The following MED13L variants were observed in gnomAD, a reference collection of about 807,000 sequenced individuals.
The protein encoded by MED13L is mediator complex subunit 13L.
MED13L carries 7 observed loss-of-function variants against 220.9 expected under a neutral mutation model. The observed-to-expected ratio is 0.03, with a 90% CI of 0.02 to 0.06. The LOEUF is 0.06. Ranked by LOEUF, MED13L falls within the 10% of genes least tolerant of loss-of-function variation. The pLI is 1.00. For missense variants in MED13L, 1,965 were observed against 2,760.5 expected (o/e 0.71, Z 6.46); for synonymous variants, 1,011 against 1,015.2 (o/e 1.00, Z 0.08).
intron 12 of MED13L, 137 bp from the exon 13 acceptor site, chr12:116,006,130 T>C: frequency 3.7e-6 from 5 of 1,361,882 alleles, no homozygotes; most frequent in Non-Finnish European, 4.1e-6. Flanking sequence ...TAGAGACAAT[T>C]ATTTCCAAAT....
rs559530947 is a variant in MED13L at position 116,232,221 on chromosome 12, C to T, written c.310+5247G>A. 28 of 726,038 alleles carry T rather than the reference C, an allele frequency of 3.9e-5. 6 individuals are homozygous for T. Among genetic ancestry groups the T allele is most frequent in the African/African-American group, 3.6e-4 (19 of 52,298 alleles). The allele number at this position is 726,038 out of a possible 1,614,324, so 45.0% of individuals were successfully genotyped here. A position where few individuals can be genotyped will look rare whatever the true frequency, so the allele number is the denominator to read the frequency against. ...ACAACAAAGGGTAATAACTGCCAATCTACCCCTGCACTGACAATAAAACCA... is the reference window on the plus strand; with the variant it reads ...ACAACAAAGGGTAATAACTGCCAATTTACCCCTGCACTGACAATAAAACCA... On this transcript the variant is annotated intron_variant, in intron 2 of 30. Coordinates refer to ENST00000281928, the MANE Select transcript of MED13L (RefSeq NM_015335.5).
At chr12:116,097,605 T>G (rs1872725261) in intron 3 of MED13L, among the ~76,000 whole-genome samples, 1 of 152,252 alleles carries the variant, frequency 6.6e-6, no homozygotes, top group African/African-American at 2.4e-5. Flanking sequence ...AATAAAGGAC[T>G]TGATTATGGC....
chr12:116,068,474 A>G (rs1317486597), intron 4 of MED13L, among the ~76,000 whole-genome samples: 1 of 152,188 alleles, frequency 6.6e-6, no homozygotes, highest in African/African-American at 2.4e-5. Flanking sequence ...GGATTTCCAA[A>G]ATGATCAACT....
At chr12:116,160,532 G>A (rs1038509850) in intron 2 of MED13L, among the ~76,000 whole-genome samples, 1 of 151,654 alleles carries the variant, frequency 6.6e-6, no homozygotes, top group African/African-American at 2.4e-5. Context: ...CAGCTCCTTT[G>A]GGCCTTGGCT....
At chr12:116,061,346 A>G (rs543033742) in intron 4 of MED13L, among the ~76,000 whole-genome samples, 1 of 152,258 alleles carries the variant, frequency 6.6e-6, no homozygotes, top group African/African-American at 2.4e-5. Context: ...TTTTTAAGGT[A>G]TACAATAAAT....
intron 4 of MED13L, among the ~76,000 whole-genome samples, chr12:116,038,431 G>A (rs1170608565): frequency 1.3e-5 from 2 of 152,046 alleles, no homozygotes; most frequent in South Asian, 2.1e-4. Context: ...CTGAAATGGT[G>A]TACCTTCCCA....
chr12:116,174,458 T>C (rs1021446032), intron 2 of MED13L: 5 of 151,106 alleles, frequency 3.3e-5, no homozygotes, highest in Non-Finnish European at 7.4e-5. Context: ...AAGAATTAGA[T>C]ACAATATTTA....
chr12:116,120,475 T>A (rs76253017), intron 2 of MED13L, among the ~76,000 whole-genome samples: 12,828 of 88,406 alleles, frequency 0.15, 508 homozygotes, highest in East Asian at 0.34. Flanking sequence ...TCTCTCTCTC[T>A]CTCACACACA....
Position 115,991,109 on chromosome 12 carries a change from C to T in MED13L, c.3845G>A (p.Gly1282Glu). The change falls in exon 17 of 31, where the codon GGG becomes GAG. Residue 1282 changes from glycine to glutamate, a missense_variant. Around this residue, in one of 10 missense-constraint regions of MED13L, gnomAD observed 165 missense variants for 190.8 expected, o/e 0.86. Coordinates refer to ENST00000281928, the MANE Select transcript of MED13L (RefSeq NM_015335.5). The surrounding 1 kb of genome is among the most constrained non-coding windows in gnomAD (Gnocchi z 7.7). The stretch of plus-strand genomic sequence containing the variant: ...AGTGGGGTTATCCACATACTGCCGC[C>T]CCTGCTCCAACGCATTAAAGCATTC... ...WTECFNALEQ[G>E]RQYVDNPTGG... is the part of the protein sequence containing the mutation. The T allele has an allele frequency of 6.2e-7, 1 of 1,614,194 alleles. No homozygotes were observed. Among genetic ancestry groups the T allele is most frequent in the Non-Finnish European group, 8.5e-7 (1 of 1,180,036 alleles).
At chr12:116,022,822 CT>C (rs531559525) in intron 4 of MED13L, among the ~76,000 whole-genome samples, 476 of 152,282 alleles carry the variant, frequency 3.1e-3, no homozygotes, top group Non-Finnish European at 5.9e-3. Flanking sequence ...TTGTAAGTTA[CT>C]GTACAAAATG....
At chr12:116,265,228 G>C (rs1057373320) in intron 1 of MED13L, among the ~76,000 whole-genome samples, 2 of 152,160 alleles carry the variant, frequency 1.3e-5, no homozygotes, top group African/African-American at 4.8e-5. Context: ...CTTTAAGTCA[G>C]AGAAAGCAAA....
intron 2 of MED13L, among the ~76,000 whole-genome samples, chr12:116,212,334 A>G (rs1278696460): frequency 2.0e-5 from 3 of 152,318 alleles, no homozygotes; most frequent in Admixed American, 6.5e-5. Flanking sequence ...TAATTAAGTT[A>G]ATTTTCATAA....
At chr12:116,045,989 T>C (rs1881809115) in intron 4 of MED13L, among the ~76,000 whole-genome samples, 1 of 152,034 alleles carries the variant, frequency 6.6e-6, no homozygotes, top group African/African-American at 2.4e-5. Flanking sequence ...TCTAAGTCAA[T>C]ATATAAAATC....
At chr12:116,079,257 C>G (rs890653152) in intron 4 of MED13L, among the ~76,000 whole-genome samples, 2 of 152,058 alleles carry the variant, frequency 1.3e-5, no homozygotes, top group African/African-American at 4.8e-5. Context: ...TGGTCTCGCT[C>G]TGTCACCCAG....
At position 116,272,192 on chromosome 12, in the gene MED13L, T is replaced by C. The variant is rs571506086; in HGVS notation, c.72+4868A>G. On this transcript the variant is annotated intron_variant, in intron 1 of 30. Transcript: ENST00000281928. ...AGGCAAAAATAATTATAGAACAAAA[T>C]TAACTTAGTTATCACAATTTATAGC... is the stretch of plus-strand genomic sequence containing the variant. Among the ~76,000 whole-genome samples the C allele has an allele frequency of 3.0e-4, 45 of 152,286 alleles. 1 individual carries two copies. Among genetic ancestry groups the C allele is most frequent in the African/African-American group, 1.1e-3 (44 of 41,558 alleles).
chr12:116,193,505 G>A (rs1019877232), intron 2 of MED13L, among the ~76,000 whole-genome samples: 4 of 151,942 alleles, frequency 2.6e-5, no homozygotes, highest in African/African-American at 9.7e-5. Context: ...CTTGAAATGT[G>A]AGTCATCTAA....
At position 116,074,510 on chromosome 12, in the gene MED13L, G is replaced by C. The variant is rs539397398; in HGVS notation, c.479+22159C>G. ...CCTAATAGACAAAATGAATAAAGGA[G>C]GGGAAAAAATGACACTTTTTCTTCC... On this transcript the variant is annotated intron_variant, in intron 4 of 30. Transcript: ENST00000281928. Among the ~76,000 whole-genome samples the C allele has an allele frequency of 5.6e-4, 86 of 152,224 alleles. 2 individuals carry two copies. In the South Asian group the frequency reaches 0.017, roughly 31 times the overall value.
At chr12:116,189,588 T>C (rs1291666318) in intron 2 of MED13L, among the ~76,000 whole-genome samples, 1 of 152,198 alleles carries the variant, frequency 6.6e-6, no homozygotes, top group Non-Finnish European at 1.5e-5. Flanking sequence ...AAGATTTCTT[T>C]TTCCCAAAAG....
chr12:116,275,149 TGTAA>T (rs758310914), intron 1 of MED13L, among the ~76,000 whole-genome samples: 6 of 152,270 alleles, frequency 3.9e-5, no homozygotes, highest in South Asian at 2.1e-4. Flanking sequence ...TTTAATTACC[TGTAA>T]GTGTCAATGT....
Sources: gnomAD v4.1 joint callset for allele counts (sites outside exome capture counted in the v4.1 genomes callset) on GRCh38, gnomAD v4.1.1 for gene constraint, gnomAD v4.1.1 regional missense constraint, Gnocchi (gnomAD v3.1) non-coding constraint, MANE v1.5 for transcripts, NCBI Gene and HGNC (gene_info 2026-07-23, HGNC 2026-07-21) for gene names.